The following MYCBP2 variants were observed in gnomAD, a reference collection of about 807,000 sequenced individuals.
MYCBP2 encodes MYC binding protein 2, also known as E3 ubiquitin-protein ligase MYCBP2.
Under a neutral mutation model 525.3 loss-of-function variants are expected in MYCBP2, and 120 were observed. That is an observed-to-expected ratio of 0.23 (90% confidence interval 0.20 to 0.27). The LOEUF is 0.27. Among genes scored for constraint, MYCBP2 ranks in the 10% least tolerant of loss-of-function variants. MYCBP2 has a pLI of 1.00. For missense variants in MYCBP2, 4,149 were observed against 5,657.1 expected, an observed-to-expected ratio of 0.73 and a Z score of 8.55; for synonymous variants, 1,894 against 1,955.8, an observed-to-expected ratio of 0.97 and a Z score of 0.83.
chr13:77,088,677 G>C (rs538111446), intron 61 of MYCBP2, among the ~76,000 whole-genome samples, 155 bp downstream of exon 61: 2 of 152,192 alleles, frequency 1.3e-5, no homozygotes, highest in Admixed American at 6.6e-5. Flanking sequence ...ATAAACTTTA[G>C]AGTCTGATTT....
chr13:77,050,814 G>C (rs898198183), intron 82 of MYCBP2, among the ~76,000 whole-genome samples, 183 bp downstream of exon 82: 1 of 152,144 alleles, frequency 6.6e-6, no homozygotes, highest in African/African-American at 2.4e-5. Flanking sequence ...CACTCATGAT[G>C]ATGAGCCTGC....
chr13:77,139,239 G>C lies in MYCBP2; in HGVS notation c.7616C>G (p.Ser2539Cys), dbSNP rs1312078778. 6.2e-7 allele frequency: 1 copy of C among 1,613,892 alleles called. No individual in the cohort carries two copies. Among genetic ancestry groups the C allele is most frequent in the Non-Finnish European group, 8.5e-7 (1 of 1,179,830 alleles). The change falls in exon 52 of 83, where the codon TCT becomes TGT. Residue 2539 changes from serine to cysteine, a missense_variant. Physicochemically the swap from Ser to Cys is moderately radical, Grantham distance 112 (BLOSUM62 -1). Around this residue, in one of 21 missense-constraint regions of MYCBP2, gnomAD observed 692 missense variants for 852.7 expected, o/e 0.81. Transcript: ENST00000544440. ...MNGYTEAWCL[S>C]FNQHLGKSLL... ...ACTCTTGCCAAGATGTTGATTAAAA[G>C]AGAGGCACCAGGCTTCAGTGTAACC...
intron 60 of MYCBP2, 119 bp downstream of exon 60, chr13:77,089,987 G>A (rs1034169774): frequency 7.2e-5 from 60 of 832,406 alleles, no homozygotes; most frequent in Admixed American, 4.7e-4. Flanking sequence ...TCACACATTA[G>A]AAATTATCCC....
chr13:77,211,390 G>A, intron 22 of MYCBP2, 70 bp from the exon 23 acceptor site: 1 of 800,518 alleles, frequency 1.2e-6, no homozygotes, highest in Non-Finnish European at 1.6e-6. Context: ...AACCCATAAA[G>A]TAGTATTATC....
At chr13:77,227,909 T>C (rs2066528491) in intron 18 of MYCBP2, among the ~76,000 whole-genome samples, 1 of 152,168 alleles carries the variant, frequency 6.6e-6, no homozygotes, top group African/African-American at 2.4e-5. Context: ...AAAATAATAC[T>C]AGAAACATTT....
At chr13:77,309,720 C>T (rs1307272975) in intron 1 of MYCBP2, among the ~76,000 whole-genome samples, 3 of 152,168 alleles carry the variant, frequency 2.0e-5, no homozygotes. Context: ...TTAAAGGTAG[C>T]CCTGCTTTGC....
chr13:77,056,102 GTGTGTGTGTGTGTGTGT>G (rs2037939992), intron 79 of MYCBP2, among the ~76,000 whole-genome samples: 7 of 50,972 alleles, frequency 1.4e-4, no homozygotes, highest in Non-Finnish European at 3.0e-4. Context: ...TGTGTTTGGT[GTGTGTGTGTGTGTGTGT>G]GTGTGTGTGT....
At chr13:77,242,916 A>T (rs1319735198) in intron 17 of MYCBP2, 143 bp downstream of exon 17, 2 of 651,232 alleles carry the variant, frequency 3.1e-6, no homozygotes, top group Non-Finnish European at 2.7e-6. Context: ...ATATTTTCCC[A>T]TTATATGAGT....
intron 26 of MYCBP2, among the ~76,000 whole-genome samples, chr13:77,197,220 G>C (rs1025027115): frequency 6.6e-6 from 1 of 152,118 alleles, no homozygotes; most frequent in Non-Finnish European, 1.5e-5. Flanking sequence ...GCTCAAGTAG[G>C]AATGGTAAGA....
At position 77,176,483 on chromosome 13, in the gene MYCBP2, T is replaced by G; in HGVS notation, c.5472+14A>C. 6.4e-7 allele frequency: 1 copy of G among 1,570,422 alleles called. No homozygotes were observed. The highest frequency in any genetic ancestry group is 1.2e-5 in the South Asian group (1 of 82,610). Reference sequence around the variant, plus strand: ...TACCTCTTATTCACAATAGAAACATTCAGTTGAAACTACCTTTAAAGGAAC... The same window carrying G: ...TACCTCTTATTCACAATAGAAACATGCAGTTGAAACTACCTTTAAAGGAAC... On this transcript the variant is annotated intron_variant, in intron 36 of 82. Transcript: ENST00000544440.
Position 77,157,979 on chromosome 13 carries a change from A to T in MYCBP2, c.6728T>A (p.Phe2243Tyr). 6.2e-7 allele frequency: 1 copy of T among 1,613,516 alleles called. No individual in the cohort carries two copies. Among genetic ancestry groups the T allele is most frequent in the Non-Finnish European group, 8.5e-7 (1 of 1,179,790 alleles). The change falls in exon 45 of 83, where the codon TTT (phenylalanine) becomes TAT (tyrosine). Residue 2243 changes from phenylalanine (F) to tyrosine (Y), a missense_variant. By Grantham distance (22) the Phe-to-Tyr change is conservative. Transcript: ENST00000544440. ...QSNEQSFLDD[F>Y]IACVPGSSGG... ...ACTTGATCCTGGGACACAGGCAATA[A>T]AATCATCCAGAAAAGACTGTTCATT...
intron 5 of MYCBP2, among the ~76,000 whole-genome samples, chr13:77,271,249 C>CT (rs896451042): frequency 5.3e-5 from 8 of 151,932 alleles, no homozygotes; most frequent in African/African-American, 1.5e-4. Flanking sequence ...TTTCCATGTG[C>CT]TTTTTTTATT....
At chr13:77,291,697 G>A (rs2077492137) in intron 2 of MYCBP2, among the ~76,000 whole-genome samples, 1 of 152,002 alleles carries the variant, frequency 6.6e-6, no homozygotes, top group Non-Finnish European at 1.5e-5. Context: ...AACCTGGGAG[G>A]CGGAGGTTGC....
intron 2 of MYCBP2, among the ~76,000 whole-genome samples, chr13:77,291,842 T>C (rs369273195): frequency 2.0e-5 from 3 of 151,832 alleles, no homozygotes; most frequent in East Asian, 1.9e-4. Context: ...GCTGCAGGCA[T>C]GATTGCTTAC....
intron 1 of MYCBP2, among the ~76,000 whole-genome samples, chr13:77,316,818 C>T (rs1417650586): frequency 6.9e-6 from 1 of 145,284 alleles, no homozygotes; most frequent in Non-Finnish European, 1.6e-5. Context: ...AAACACTGGA[C>T]AAGGAAGTAC....
intron 26 of MYCBP2, among the ~76,000 whole-genome samples, chr13:77,202,426 C>T (rs2062732605): frequency 6.6e-6 from 1 of 152,090 alleles, no homozygotes; most frequent in African/African-American, 2.4e-5. Flanking sequence ...AAAAAGAGTC[C>T]AGGACCAGAT....
intron 37 of MYCBP2, among the ~76,000 whole-genome samples, chr13:77,172,459 T>C (rs1403140487): frequency 2.0e-5 from 3 of 152,138 alleles, no homozygotes; most frequent in Non-Finnish European, 4.4e-5. Flanking sequence ...GAACTTGGTA[T>C]GATTTATATT....
At chr13:77,293,271 A>C (rs748772606) in intron 2 of MYCBP2, among the ~76,000 whole-genome samples, 27 of 152,246 alleles carry the variant, frequency 1.8e-4, no homozygotes, top group Non-Finnish European at 2.8e-4. Flanking sequence ...AAATAATCAC[A>C]GAAGAAAAGA....
chr13:77,095,974 G>C (rs1198663318), intron 57 of MYCBP2, among the ~76,000 whole-genome samples: 10 of 151,654 alleles, frequency 6.6e-5, no homozygotes, highest in Admixed American at 6.6e-4. Flanking sequence ...GGAAAACAAA[G>C]GAGCCAAAAA....
Sources: gnomAD v4.1 joint callset for allele counts (sites outside exome capture counted in the v4.1 genomes callset) on GRCh38, gnomAD v4.1.1 for gene constraint, gnomAD v4.1.1 regional missense constraint, MANE v1.5 for transcripts, NCBI Gene and HGNC (gene_info 2026-07-23, HGNC 2026-07-21) for gene names.